The following TENM3 variants were observed in gnomAD, a reference collection of about 807,000 sequenced individuals.
TENM3 encodes teneurin-3.
TENM3 carries 63 observed loss-of-function variants against 255.1 expected under a neutral mutation model. The ratio of observed to expected loss-of-function variants is 0.25; its 90% CI spans 0.20 to 0.30. The LOEUF is 0.30. TENM3 is among the 10% of genes least tolerant of loss of function. The probability of loss-of-function intolerance (pLI) is 1.00; values close to 1 mark genes in which losing one functional copy is unlikely to be tolerated. For synonymous variants in TENM3, 1,306 were observed against 1,322.3 expected, an observed-to-expected ratio of 0.99 and a Z score of 0.27; for missense variants, 2,929 against 3,461.1, an observed-to-expected ratio of 0.85 and a Z score of 3.86.
At chr4:182,335,305 T>TAACAC (rs1396272524) in intron 2 of TENM3, among the ~76,000 whole-genome samples, 67 of 47,004 alleles carry the variant, frequency 1.4e-3, no homozygotes, top group East Asian at 1.9e-3. Flanking sequence ...GAGACCATCC[T>TAACAC]GTGAATGGTG....
At chr4:181,591,455 A>C in the TENM3 span, among the ~76,000 whole-genome samples, 1 of 152,234 alleles carries the variant, frequency 6.6e-6, no homozygotes, top group Non-Finnish European at 1.5e-5. Context: ...ATAATAGCCC[A>C]AAACTGGAAA....
chr4:182,725,323 G>A (rs1760077189), intron 13 of TENM3, among the ~76,000 whole-genome samples: 2 of 152,112 alleles, frequency 1.3e-5, no homozygotes, highest in Non-Finnish European at 2.9e-5. Context: ...ACTGTGCCTG[G>A]CTAATTGTTT....
At chr4:182,525,423 C>T (rs1739053515) in intron 3 of TENM3, among the ~76,000 whole-genome samples, 1 of 152,208 alleles carries the variant, frequency 6.6e-6, no homozygotes, top group Admixed American at 6.5e-5. Flanking sequence ...AGGTGATTAA[C>T]CCAAAGTCAT....
intron 3 of TENM3, among the ~76,000 whole-genome samples, chr4:182,532,085 T>C (rs2151843919): frequency 6.6e-6 from 1 of 152,320 alleles, no homozygotes; most frequent in East Asian, 1.9e-4. Context: ...TTCTCTGGAA[T>C]GGGCATTTGT....
At chr4:182,786,107 A>G (rs1207415047) in intron 24 of TENM3, among the ~76,000 whole-genome samples, 4 of 152,186 alleles carry the variant, frequency 2.6e-5, no homozygotes, top group African/African-American at 4.8e-5. Flanking sequence ...GGCATCCAGT[A>G]TTTGTCTGGA....
chr4:182,132,956 C>T, the TENM3 span, among the ~76,000 whole-genome samples: 1 of 152,096 alleles, frequency 6.6e-6, no homozygotes, highest in African/African-American at 2.4e-5. Context: ...GTTATGAGGA[C>T]CACATGAGAC....
intron 3 of TENM3, among the ~76,000 whole-genome samples, chr4:182,417,087 C>T (rs996775996): frequency 6.6e-6 from 1 of 152,144 alleles, no homozygotes; most frequent in African/African-American, 2.4e-5. Context: ...CATTCTCCTG[C>T]CTCAGCCTCC....
At chr4:181,708,217 C>T in the TENM3 span, among the ~76,000 whole-genome samples, 2 of 151,774 alleles carry the variant, frequency 1.3e-5, no homozygotes, top group Non-Finnish European at 2.9e-5. Context: ...GTTCTTAAGC[C>T]CTAAATGGAA....
chr4:182,472,455 A>G (rs936905419), intron 3 of TENM3, among the ~76,000 whole-genome samples: 2 of 152,138 alleles, frequency 1.3e-5, no homozygotes, highest in Non-Finnish European at 2.9e-5. Flanking sequence ...TTTACTATTT[A>G]AAACTTTCTA....
the TENM3 span, among the ~76,000 whole-genome samples, chr4:181,571,469 T>G: frequency 6.6e-6 from 1 of 152,146 alleles, no homozygotes; most frequent in Non-Finnish European, 1.5e-5. Context: ...CCTGAGTAGC[T>G]GGGACTACAG....
At chr4:182,762,111 A>G (rs774329308) in intron 22 of TENM3, among the ~76,000 whole-genome samples, 1 of 152,232 alleles carries the variant, frequency 6.6e-6, no homozygotes, top group African/African-American at 2.4e-5. Flanking sequence ...TACTCAAAAA[A>G]TTGCACAAAA....
chr4:181,765,233 C>T, the TENM3 span, among the ~76,000 whole-genome samples: 13 of 151,992 alleles, frequency 8.6e-5, no homozygotes, highest in East Asian at 3.9e-4. Context: ...TTATTGATTC[C>T]GAGGTCTGAT....
the TENM3 span, among the ~76,000 whole-genome samples, chr4:181,577,181 TTA>T: frequency 1.0e-4 from 13 of 129,378 alleles, no homozygotes; most frequent in East Asian, 2.5e-3. Context: ...TTATATTATA[TTA>T]TATATTATAT....
chr4:181,858,960 T>C, the TENM3 span, among the ~76,000 whole-genome samples: 1 of 152,010 alleles, frequency 6.6e-6, no homozygotes, highest in Non-Finnish European at 1.5e-5. Context: ...GGAAGATTAA[T>C]CCAACAGCTG....
At chr4:181,539,776 A>G in the TENM3 span, among the ~76,000 whole-genome samples, 2 of 152,208 alleles carry the variant, frequency 1.3e-5, no homozygotes, top group Non-Finnish European at 2.9e-5. Context: ...TCAAAAATGA[A>G]CATGAGTTAG....
intron 3 of TENM3, among the ~76,000 whole-genome samples, chr4:182,419,230 AAAAG>A (rs1770612643): frequency 6.6e-6 from 1 of 152,210 alleles, no homozygotes; most frequent in Admixed American, 6.5e-5. Flanking sequence ...GACACTTCTC[AAAAG>A]AAGACATTTA....
chr4:182,710,949 T>C (rs1346133306), intron 12 of TENM3, among the ~76,000 whole-genome samples: 1 of 152,168 alleles, frequency 6.6e-6, no homozygotes, highest in East Asian at 1.9e-4. Flanking sequence ...TACACACCTT[T>C]TGTGAGAAAA....
chr4:181,715,304 G>C, the TENM3 span, among the ~76,000 whole-genome samples: 1 of 152,116 alleles, frequency 6.6e-6, no homozygotes, highest in Non-Finnish European at 1.5e-5. Flanking sequence ...CATTTGAGCT[G>C]TTTAAGTGTT....
chr4:181,664,082 A>G, the TENM3 span, among the ~76,000 whole-genome samples: 13 of 152,114 alleles, frequency 8.5e-5, no homozygotes, highest in East Asian at 1.3e-3. Flanking sequence ...CTGGATTCCA[A>G]TTCTGGCTCT....
Sources: allele counts gnomAD v4.1 joint callset (sites outside exome capture counted in the v4.1 genomes callset), GRCh38; gene constraint gnomAD v4.1.1; transcripts MANE v1.5; gene names NCBI Gene and HGNC (gene_info 2026-07-23, HGNC 2026-07-21).